Variants in PHACTR1 observed in about 807,000 individuals in gnomAD.
PHACTR1 encodes the protein RPEL repeat containing 1.
A neutral mutation model predicts 69.2 loss-of-function variants in PHACTR1; 16 were observed. The ratio of observed to expected loss-of-function variants is 0.23; its 90% confidence interval spans 0.16 to 0.35. PHACTR1 has a LOEUF of 0.35. PHACTR1 is among the 10% of genes least tolerant of loss of function. The pLI is 1.00. For missense variants in PHACTR1, 510 were observed against 734.7 expected (o/e 0.69, Z 3.54); for synonymous variants, 312 against 284.5 (o/e 1.10, Z -0.97).
At chr6:12,922,723 A>G (rs1787855700) in intron 4 of PHACTR1, among the ~76,000 whole-genome samples, 1 of 152,196 alleles carries the variant, frequency 6.6e-6, no homozygotes. Context: ...ATGGAAGTAA[A>G]TACCTTCTAA....
At chr6:12,979,285 A>C (rs1795230537) in intron 4 of PHACTR1, among the ~76,000 whole-genome samples, 2 of 152,200 alleles carry the variant, frequency 1.3e-5, no homozygotes, top group Admixed American at 1.3e-4. Flanking sequence ...GATTCCCTCT[A>C]ATCGTTATCA....
chr6:13,038,488 TAAA>T (rs34433834), intron 4 of PHACTR1, among the ~76,000 whole-genome samples: 6 of 124,178 alleles, frequency 4.8e-5, no homozygotes, highest in South Asian at 2.6e-4. Context: ...TTCAAGTGTT[TAAA>T]AAAAAAAAAA....
At chr6:13,004,421 T>C (rs1333723494) in intron 4 of PHACTR1, among the ~76,000 whole-genome samples, 1 of 152,200 alleles carries the variant, frequency 6.6e-6, no homozygotes, top group Admixed American at 6.5e-5. Flanking sequence ...TTGTATGTTT[T>C]CTTTTGCAAA....
chr6:12,916,926 T>C (rs1235224379), intron 4 of PHACTR1, among the ~76,000 whole-genome samples: 1 of 152,086 alleles, frequency 6.6e-6, no homozygotes, highest in African/African-American at 2.4e-5. Context: ...GAATGACTAA[T>C]GTTTTTTTAC....
intron 4 of PHACTR1, among the ~76,000 whole-genome samples, chr6:12,758,979 C>T (rs1187427261): frequency 2.0e-5 from 3 of 151,742 alleles, no homozygotes; most frequent in Non-Finnish European, 4.4e-5. Context: ...AAAAAATTAG[C>T]CAGGCATGGT....
rs1198673213 is a variant in PHACTR1, at chr6:13,245,685, T to G, written c.1391+15492T>G. ...ATTAGGTGCCATTTGTCAATTTTTT[T>G]TTTCGTTGCAATTGCTTTTGGCATC... On this transcript the variant is annotated intron_variant, in intron 10 of 14. Transcript: ENST00000332995. This position sits in a 1 kb window ranked among gnomAD's most constrained non-coding sequence, Gnocchi z 4.1. Among the ~76,000 whole-genome samples, 1 of 152,212 alleles carries G rather than the reference T, an allele frequency of 6.6e-6. No homozygotes were observed. The highest frequency in any genetic ancestry group is 1.5e-5 in the Non-Finnish European group (1 of 68,034).
At chr6:13,228,815 C>T (rs1380227431) in intron 9 of PHACTR1, among the ~76,000 whole-genome samples, 2 of 152,228 alleles carry the variant, frequency 1.3e-5, no homozygotes, top group African/African-American at 4.8e-5. Context: ...CAGGGCCTCA[C>T]GTCTGCTAAG....
chr6:13,041,720 A>C (rs1446293769), intron 4 of PHACTR1, among the ~76,000 whole-genome samples: 1 of 152,210 alleles, frequency 6.6e-6, no homozygotes, highest in African/African-American at 2.4e-5. Flanking sequence ...GGAGTGTATT[A>C]ACCTTGACAG....
intron 4 of PHACTR1, among the ~76,000 whole-genome samples, chr6:12,916,580 G>A (rs1046700719): frequency 1.4e-5 from 2 of 147,174 alleles, no homozygotes; most frequent in African/African-American, 5.1e-5. Context: ...CCAGCACCTA[G>A]TACAGAGTAG....
chr6:13,278,175 ATGCT>A (rs1216486883), intron 11 of PHACTR1, 89 bp from the exon 12 acceptor site: 24 of 1,201,506 alleles, frequency 2.0e-5, no homozygotes, highest in African/African-American at 4.6e-5. Context: ...TTAAAATGAG[ATGCT>A]TGGCCTAGAG....
At chr6:13,218,823 G>A (rs1768087415) in intron 8 of PHACTR1, among the ~76,000 whole-genome samples, 2 of 145,396 alleles carry the variant, frequency 1.4e-5, no homozygotes, top group South Asian at 2.2e-4. Flanking sequence ...GGAGGAGGAG[G>A]AGGAGAAAAA....
At chr6:12,975,148 GA>G (rs2127586156) in intron 4 of PHACTR1, among the ~76,000 whole-genome samples, 1 of 152,282 alleles carries the variant, frequency 6.6e-6, no homozygotes, top group East Asian at 1.9e-4. Context: ...TATGGGAAAT[GA>G]ATATTAAATT....
chr6:13,085,831 G>C (rs1812183855), intron 5 of PHACTR1, among the ~76,000 whole-genome samples: 1 of 150,800 alleles, frequency 6.6e-6, no homozygotes, highest in South Asian at 2.1e-4. Flanking sequence ...ACTTAGAACT[G>C]ACTGAGAATA....
intron 5 of PHACTR1, among the ~76,000 whole-genome samples, chr6:13,155,791 G>A (rs570239176): frequency 6.6e-6 from 1 of 152,160 alleles, no homozygotes; most frequent in Non-Finnish European, 1.5e-5. Flanking sequence ...GAGAGGCTGA[G>A]GCAGGAGAAT....
At chr6:13,089,127 G>C (rs1812788535) in intron 5 of PHACTR1, among the ~76,000 whole-genome samples, 1 of 152,186 alleles carries the variant, frequency 6.6e-6, no homozygotes, top group African/African-American at 2.4e-5. Flanking sequence ...AACTGAACAA[G>C]ATTACAAACA....
intron 4 of PHACTR1, among the ~76,000 whole-genome samples, chr6:12,773,180 T>G (rs1001266161): frequency 6.6e-6 from 1 of 152,162 alleles, no homozygotes; most frequent in Non-Finnish European, 1.5e-5. Context: ...GAAATAAAGT[T>G]TTGCACAGGG....
intron 3 of PHACTR1, among the ~76,000 whole-genome samples, chr6:12,725,753 T>C (rs1762700878): frequency 1.3e-5 from 2 of 152,232 alleles, no homozygotes; most frequent in African/African-American, 2.4e-5. Flanking sequence ...AGTGATCTCC[T>C]TAAATAGCAT....
chr6:13,200,092 A>G (rs991714058), intron 7 of PHACTR1, among the ~76,000 whole-genome samples: 2 of 152,194 alleles, frequency 1.3e-5, no homozygotes, highest in Non-Finnish European at 1.5e-5. Flanking sequence ...TGCTGGATGG[A>G]ACTGATGCAT....
intron 12 of PHACTR1, chr6:13,279,944 A>AT (rs1562117701): frequency 6.7e-6 from 1 of 149,430 alleles, no homozygotes; most frequent in African/African-American, 2.5e-5. Context: ...AAAAAAAAAA[A>AT]GTTGTTTAAA....
Sources: gnomAD v4.1 joint callset for allele counts (sites outside exome capture counted in the v4.1 genomes callset) on GRCh38, gnomAD v4.1.1 for gene constraint, Gnocchi (gnomAD v3.1) non-coding constraint, MANE v1.5 for transcripts, NCBI Gene and HGNC (gene_info 2026-07-23, HGNC 2026-07-21) for gene names.